Variants in RNF111 observed in about 807,000 individuals in gnomAD.
RNF111 encodes ring finger protein 111.
A neutral mutation model predicts 95.1 loss-of-function variants in RNF111; 17 were observed. The observed-to-expected ratio is 0.18, with a 90% confidence interval of 0.12 to 0.27. RNF111 has a LOEUF of 0.27. RNF111 is among the 10% of genes least tolerant of loss of function. The pLI is 1.00. For missense variants in RNF111, 1,189 were observed against 1,210.4 expected (o/e 0.98, Z 0.26); for synonymous variants, 440 against 414.8 (o/e 1.06, Z -0.74).
Position 59,095,112 on chromosome 15 carries a change from A to C in RNF111, c.*212A>C. ...AAAAGCTTTTTTTTCTAGATTTGAC[A>C]TTTTTCTGTATCATTTTACTGTATT... On this transcript the variant is annotated 3_prime_UTR_variant, in exon 14 of 14. Coordinates refer to ENST00000348370, the MANE Select transcript of RNF111 (RefSeq NM_017610.8). 2.2e-6 allele frequency: 1 copy of C among 448,844 alleles called. No individual in the cohort carries two copies. The highest frequency in any genetic ancestry group is 3.9e-6 in the Non-Finnish European group (1 of 253,766). The allele number at this position is 448,844 out of a possible 1,614,324, so 27.8% of individuals were successfully genotyped here.
chr15:59,075,660 G>GATTTTAATATATTAAACAA (rs1336624178), intron 6 of RNF111, among the ~76,000 whole-genome samples: 3 of 152,128 alleles, frequency 2.0e-5, no homozygotes, highest in Admixed American at 2.0e-4. Flanking sequence ...AAGACAAAAA[G>GATTTTAATATATTAAACAA]ATTTTAATAT....
In RNF111 at chr15:59,085,788, A is replaced by G; in HGVS notation, c.2550+3A>G. On this transcript the variant is annotated splice_donor_region_variant and intron_variant, in intron 10 of 13. Coordinates refer to ENST00000348370, the MANE Select transcript of RNF111 (RefSeq NM_017610.8). The stretch of plus-strand genomic sequence containing the variant: ...AATTAGGAGCTCTTCCTTTAATGGT[A>G]AAATGGAAAATTTTCAAAATTTTGA... 6.2e-7 allele frequency: 1 copy of G among 1,610,270 alleles called. No homozygotes were observed. Among genetic ancestry groups the G allele is most frequent in the Non-Finnish European group, 8.5e-7 (1 of 1,178,304 alleles).
At chr15:59,012,956 C>G (rs1160001322) in intron 1 of RNF111, among the ~76,000 whole-genome samples, 1 of 152,096 alleles carries the variant, frequency 6.6e-6, no homozygotes, top group African/African-American at 2.4e-5. Flanking sequence ...CCAGGCTGGT[C>G]TTGAACTCCT....
At chr15:59,066,719 A>C in intron 5 of RNF111, 45 bp from the exon 6 acceptor site, 1 of 1,454,960 alleles carries the variant, frequency 6.9e-7, no homozygotes, top group Non-Finnish European at 9.5e-7. Context: ...TTACACAGTG[A>C]TATTTCATGA....
intron 5 of RNF111, 86 bp downstream of exon 5, chr15:59,058,636 C>A: frequency 2.5e-6 from 3 of 1,206,790 alleles, no homozygotes; most frequent in Non-Finnish European, 3.7e-6. Flanking sequence ...AAGATTTTAG[C>A]TATGTTAATA....
chr15:59,094,609 G>A (rs1369446061), intron 13 of RNF111, among the ~76,000 whole-genome samples, 174 bp from the exon 14 acceptor site: 6 of 151,988 alleles, frequency 3.9e-5, no homozygotes, highest in African/African-American at 1.4e-4. Flanking sequence ...TAATTATCTT[G>A]ATCATTTATA....
In RNF111 at chr15:59,055,662, T is replaced by G; in HGVS notation, c.1008-20T>G. The G allele has an allele frequency of 6.5e-7, 1 of 1,547,496 alleles. No individual in the cohort carries two copies. Among genetic ancestry groups the G allele is most frequent in the Non-Finnish European group, 8.7e-7 (1 of 1,143,802 alleles). ...AATTCTTTATTTATATTTACTAACT[T>G]AATATTGATGTCATTTAAGGTCTCG... On this transcript the variant is annotated intron_variant, in intron 3 of 13. Transcript: ENST00000348370.
chr15:58,990,868 C>G (rs2038783009), intron 1 of RNF111, among the ~76,000 whole-genome samples: 1 of 152,082 alleles, frequency 6.6e-6, no homozygotes, highest in South Asian at 2.1e-4. Flanking sequence ...TCCACAATTA[C>G]ATTTGAATGT....
At chr15:59,019,397 G>A (rs1449087907) in intron 1 of RNF111, among the ~76,000 whole-genome samples, 1 of 152,064 alleles carries the variant, frequency 6.6e-6, no homozygotes, top group Admixed American at 6.6e-5. Flanking sequence ...TAATGTTTAT[G>A]TTTTATAGTT....
At chr15:59,079,697 A>G (rs1437530949) in intron 7 of RNF111, among the ~76,000 whole-genome samples, 1 of 151,974 alleles carries the variant, frequency 6.6e-6, no homozygotes, top group Admixed American at 6.6e-5. Context: ...CACATCTCTA[A>G]GAGTAAGGAA....
At chr15:59,075,650 A>G (rs2043134107) in intron 6 of RNF111, among the ~76,000 whole-genome samples, 1 of 152,222 alleles carries the variant, frequency 6.6e-6, no homozygotes, top group African/African-American at 2.4e-5. Context: ...TATTTGTTAT[A>G]AGACAAAAAG....
At chr15:59,093,019 A>T (rs1441008412) in intron 13 of RNF111, among the ~76,000 whole-genome samples, 1 of 152,222 alleles carries the variant, frequency 6.6e-6, no homozygotes, top group Non-Finnish European at 1.5e-5. Flanking sequence ...AAAGAGTAAA[A>T]GTAAACTGGA....
rs755482466 is a variant in RNF111, at chr15:59,096,791, G to A, written c.*1891G>A. 4.6e-5 allele frequency: 7 copies of A among 152,178 alleles called. No homozygotes were observed. The highest frequency in any genetic ancestry group is 7.3e-5 in the Non-Finnish European group (5 of 68,040). 9.4% of individuals were successfully genotyped at this position (152,178 alleles called of 1,614,324 possible). On this transcript the variant is annotated 3_prime_UTR_variant, in exon 14 of 14. Coordinates refer to ENST00000348370, the MANE Select transcript of RNF111 (RefSeq NM_017610.8). ...TTTAAGTAAGTAGCCTGTAATGGAT[G>A]TACTACTTTGCCACTGGAATACCCC...
At chr15:59,029,531 T>G (rs1315765400) in intron 1 of RNF111, among the ~76,000 whole-genome samples, 1 of 152,244 alleles carries the variant, frequency 6.6e-6, no homozygotes, top group Non-Finnish European at 1.5e-5. Context: ...ATGCCTTAAT[T>G]ATTGTCATTT....
At chr15:58,995,521 C>T (rs769063525) in intron 1 of RNF111, among the ~76,000 whole-genome samples, 7 of 151,204 alleles carry the variant, frequency 4.6e-5, no homozygotes, top group Admixed American at 1.3e-4. Context: ...TGCAGTGGCG[C>T]GATCTTGGCT....
At chr15:58,996,521 C>T (rs2039078785) in intron 1 of RNF111, among the ~76,000 whole-genome samples, 1 of 151,348 alleles carries the variant, frequency 6.6e-6, no homozygotes, top group Non-Finnish European at 1.5e-5. Flanking sequence ...GTGGAGGTTG[C>T]AGTGAGCCGA....
chr15:59,091,175 A>T, intron 12 of RNF111, 21 bp downstream of exon 12: 2 of 1,393,824 alleles, frequency 1.4e-6, no homozygotes, highest in Non-Finnish European at 2.0e-6. Context: ...ATTCTATGAA[A>T]CTTCTGGAGT....
intron 2 of RNF111, among the ~76,000 whole-genome samples, chr15:59,036,531 A>T (rs1047886189): frequency 2.6e-5 from 4 of 152,168 alleles, no homozygotes; most frequent in East Asian, 1.9e-4. Context: ...ATCAGATCTC[A>T]TGAGACTTGT....
intron 2 of RNF111, among the ~76,000 whole-genome samples, chr15:59,048,244 A>C (rs1257819622): frequency 6.6e-6 from 1 of 152,268 alleles, no homozygotes; most frequent in Non-Finnish European, 1.5e-5. Context: ...AGTATGTTAT[A>C]TCCATATGAT....
Sources: allele counts gnomAD v4.1 joint callset (sites outside exome capture counted in the v4.1 genomes callset), GRCh38; gene constraint gnomAD v4.1.1; transcripts MANE v1.5; gene names NCBI Gene and HGNC (gene_info 2026-07-23, HGNC 2026-07-21).